DYRK4: variants seen among roughly 807,000 people sequenced by gnomAD.
The protein encoded by DYRK4 is dual specificity tyrosine phosphorylation regulated kinase 4.
Under a neutral mutation model 68.3 loss-of-function variants are expected in DYRK4, and 64 were observed. The observed-to-expected ratio is 0.94, with a 90% CI of 0.77 to 1.15. The LOEUF is 1.15. Ranked by LOEUF, DYRK4 falls within the 50% of genes most tolerant of loss-of-function variation. The pLI is 0.00. For missense variants in DYRK4, 740 were observed against 764.7 expected, an observed-to-expected ratio of 0.97 and a Z score of 0.38; for synonymous variants, 274 against 289.9, an observed-to-expected ratio of 0.95 and a Z score of 0.56.
intron 11 of DYRK4, among the ~76,000 whole-genome samples, chr12:4,606,362 T>G (rs1385436114): frequency 6.6e-6 from 1 of 152,176 alleles, no homozygotes; most frequent in Non-Finnish European, 1.5e-5. Context: ...AATTTCTATT[T>G]TCCAGATTGT....
intron 14 of DYRK4, 193 bp downstream of exon 14, chr12:4,612,911 C>T (rs1945241437): frequency 8.7e-6 from 5 of 572,774 alleles, no homozygotes; most frequent in South Asian, 6.4e-5. Context: ...TCTCTAACCT[C>T]AACCTGGGAT....
chr12:4,568,104 G>A (rs1271333786), intron 2 of DYRK4, 56 bp downstream of exon 2: 1 of 1,437,880 alleles, frequency 7.0e-7, no homozygotes, highest in Non-Finnish European at 9.4e-7. Context: ...AGGTCCTAGG[G>A]ACTCAGGACC....
At chr12:4,609,812 T>C (rs1945197131) in intron 12 of DYRK4, 1 of 159,048 alleles carries the variant, frequency 6.3e-6, no homozygotes, top group Admixed American at 6.5e-5. Context: ...TAACATTTAC[T>C]TTACCATTGT....
At chr12:4,601,992 T>C in intron 10 of DYRK4, 1 of 324,690 alleles carries the variant, frequency 3.1e-6, no homozygotes, top group Non-Finnish European at 5.8e-6. Flanking sequence ...CTTCAAAGTC[T>C]GAACAAAATA....
At chr12:4,599,377 C>T (rs1298600738) in intron 9 of DYRK4, among the ~76,000 whole-genome samples, 7 of 150,768 alleles carry the variant, frequency 4.6e-5, no homozygotes, top group African/African-American at 1.5e-4. Context: ...TTTCTAAGGC[C>T]GTGCAAGCAA....
chr12:4,585,646 G>C (rs1178007535), intron 2 of DYRK4, among the ~76,000 whole-genome samples: 1 of 152,052 alleles, frequency 6.6e-6, no homozygotes, highest in African/African-American at 2.4e-5. Flanking sequence ...GGGGAGCGGG[G>C]AGGGATAACA....
intron 1 of DYRK4, among the ~76,000 whole-genome samples, chr12:4,567,588 T>C (rs1944690175): frequency 6.6e-6 from 1 of 152,244 alleles, no homozygotes; most frequent in Non-Finnish European, 1.5e-5. Flanking sequence ...CTTTTCTTTT[T>C]CTATAGGCAT....
At chr12:4,580,176 A>AC (rs1944827820) in intron 2 of DYRK4, among the ~76,000 whole-genome samples, 2 of 152,082 alleles carry the variant, frequency 1.3e-5, no homozygotes, top group African/African-American at 4.8e-5. Flanking sequence ...AGCTATCTGG[A>AC]CCCCCAGGCT....
rs527332856 is a variant in DYRK4, at chr12:4,582,573, A to G, written c.133-6364A>G. On this transcript the variant is annotated intron_variant, in intron 2 of 14. Transcript: ENST00000543431. ...GGTGCTGTAATAGAGTACAGAGCAC[A>G]GGGTAGCGAGTGGCTTACAAATATT... Among the ~76,000 whole-genome samples the G allele has an allele frequency of 1.6e-3, 237 of 152,272 alleles. 1 individual carries two copies. Among genetic ancestry groups the G allele is most frequent in the African/African-American group, 5.4e-3 (224 of 41,562 alleles).
chr12:4,590,256 G>C (rs146900917), intron 3 of DYRK4, 74 bp from the exon 4 acceptor site: 8 of 1,466,228 alleles, frequency 5.5e-6, no homozygotes, highest in Admixed American at 2.4e-5. Flanking sequence ...GGGAAGGGAG[G>C]CTGGAAGAAA....
At position 4,596,155 on chromosome 12, in the gene DYRK4, C is replaced by T. The variant is rs1165607611; in HGVS notation, c.634C>T (p.His212Tyr). The change falls in exon 7 of 15, where the codon CAT becomes TAT. Residue 212 changes from histidine (H) to tyrosine (Y), a missense_variant. By Grantham distance (83) the His-to-Tyr change is moderately conservative (BLOSUM62 2). This residue lies in a region of DYRK4 where 614 missense variants were observed against 603.7 expected (regional missense o/e 1.02). Coordinates refer to ENST00000543431, the MANE Select transcript of DYRK4 (RefSeq NM_001394779.1). ...TCCGGCCTGGCTTCCACAGGTCCTGCATGATCACATTGCCTACCGCTATGA... is the reference window on the plus strand; with the variant it reads ...TCCGGCCTGGCTTCCACAGGTCCTGTATGATCACATTGCCTACCGCTATGA... ...DEHGFYLKVL[H>Y]DHIAYRYEVL... 1 of 1,614,158 alleles carries T rather than the reference C, an allele frequency of 6.2e-7. No homozygotes were observed. The highest frequency in any genetic ancestry group is 8.5e-7 in the Non-Finnish European group (1 of 1,180,000).
At chr12:4,583,672 G>A (rs2137347703) in intron 2 of DYRK4, among the ~76,000 whole-genome samples, 1 of 152,262 alleles carries the variant, frequency 6.6e-6, no homozygotes, top group South Asian at 2.1e-4. Flanking sequence ...TGGGATTACA[G>A]GTGTCAGCCA....
At chr12:4,603,839 C>T (rs79397597) in intron 10 of DYRK4, among the ~76,000 whole-genome samples, 16 of 152,328 alleles carry the variant, frequency 1.1e-4, no homozygotes, top group East Asian at 1.9e-4. Flanking sequence ...CCAAGATGCT[C>T]GGAACTGAAT....
intron 1 of DYRK4, among the ~76,000 whole-genome samples, chr12:4,565,570 C>T (rs1433323480): frequency 1.3e-5 from 2 of 151,928 alleles, no homozygotes; most frequent in South Asian, 2.1e-4. Flanking sequence ...CTGCCTCCAG[C>T]GCTGTCAGAG....
intron 2 of DYRK4, among the ~76,000 whole-genome samples, chr12:4,588,269 A>G (rs1317898309): frequency 6.6e-6 from 1 of 152,156 alleles, no homozygotes; most frequent in Non-Finnish European, 1.5e-5. Flanking sequence ...CCTACATAAT[A>G]ACAACCACAA....
intron 13 of DYRK4, among the ~76,000 whole-genome samples, chr12:4,611,833 A>G (rs1437528634): frequency 1.3e-5 from 2 of 150,054 alleles, no homozygotes; most frequent in South Asian, 2.1e-4. Flanking sequence ...AAATATTTTC[A>G]GATGGTTGAA....
intron 2 of DYRK4, among the ~76,000 whole-genome samples, chr12:4,581,998 T>C (rs1179998851): frequency 6.6e-6 from 1 of 152,264 alleles, no homozygotes; most frequent in African/African-American, 2.4e-5. Context: ...GGCACCTTTA[T>C]ACAGTATTTT....
At chr12:4,587,291 C>G (rs759785887) in intron 2 of DYRK4, among the ~76,000 whole-genome samples, 1 of 152,140 alleles carries the variant, frequency 6.6e-6, no homozygotes, top group Non-Finnish European at 1.5e-5. Context: ...GCTCTCTACC[C>G]GTCCTCTCGG....
At chr12:4,573,322 T>C in intron 2 of DYRK4, 1 of 1,289,580 alleles carries the variant, frequency 7.8e-7, no homozygotes, top group Non-Finnish European at 1.0e-6. Flanking sequence ...TTCCCCATTC[T>C]TTCCTAGGGC....
Sources: allele counts gnomAD v4.1 joint callset (sites outside exome capture counted in the v4.1 genomes callset), GRCh38; gene constraint gnomAD v4.1.1; regional missense constraint gnomAD v4.1.1; transcripts MANE v1.5; gene names NCBI Gene and HGNC (gene_info 2026-07-23, HGNC 2026-07-21).